ZSCAN25: variants seen among roughly 807,000 people sequenced by gnomAD.
The protein encoded by ZSCAN25 is zinc finger and SCAN domain-containing protein 25.
In ZSCAN25, 27 loss-of-function variants were observed where a neutral mutation model predicts 38.7. The ratio of observed to expected loss-of-function variants is 0.70; its 90% CI spans 0.51 to 0.96. ZSCAN25 has a LOEUF of 0.96. ZSCAN25 is among the 40% of genes least tolerant of loss of function. The pLI is 0.00. For synonymous variants in ZSCAN25, 273 were observed against 277.7 expected, an observed-to-expected ratio of 0.98 and a Z score of 0.17; for missense variants, 637 against 705.9, an observed-to-expected ratio of 0.90 and a Z score of 1.11.
In ZSCAN25 at chr7:99,632,301, T is replaced by G; in HGVS notation, c.*2281T>G. On this transcript the variant is annotated 3_prime_UTR_variant, in exon 8 of 8. Coordinates refer to ENST00000394152, the MANE Select transcript of ZSCAN25 (RefSeq NM_145115.3). Reference sequence around the variant, plus strand: ...GTTAAGAAATATTTTGTTTTCTGTATTTTTCTATTCTTTAGAAATTTTTTT... The same window carrying G: ...GTTAAGAAATATTTTGTTTTCTGTAGTTTTCTATTCTTTAGAAATTTTTTT... 1 of 961,228 alleles carries G rather than the reference T, an allele frequency of 1.0e-6. No individual in the cohort carries two copies. Among genetic ancestry groups the G allele is most frequent in the Non-Finnish European group, 1.2e-6 (1 of 807,998 alleles). 59.5% of individuals were successfully genotyped at this position (961,228 alleles called of 1,614,324 possible).
the ZSCAN25 span, chr7:99,652,626 C>G: frequency 1.5e-5 from 24 of 1,614,062 alleles, no homozygotes; most frequent in Non-Finnish European, 1.9e-5. Flanking sequence ...GGAATCACCA[C>G]CATTGACCCT....
the ZSCAN25 span, chr7:99,710,889 A>C: frequency 1.9e-5 from 31 of 1,613,652 alleles, no homozygotes; most frequent in African/African-American, 1.9e-4. Flanking sequence ...CAGATCAGAC[A>C]GAGCTGAAAG....
chr7:99,635,959 A>G (rs551835122), downstream of ZSCAN25, among the ~76,000 whole-genome samples: 108 of 147,992 alleles, frequency 7.3e-4, no homozygotes, highest in African/African-American at 2.5e-3. Context: ...AGGCAGGAGA[A>G]TGGCGTGAAC....
chr7:99,686,759 C>T, the ZSCAN25 span, among the ~76,000 whole-genome samples: 3 of 151,816 alleles, frequency 2.0e-5, no homozygotes, highest in Admixed American at 6.6e-5. Flanking sequence ...CACCCCCCCC[C>T]CAGTAGGGGC....
At chr7:99,717,336 C>T in the ZSCAN25 span, 1 of 1,611,566 alleles carries the variant, frequency 6.2e-7, no homozygotes, top group Non-Finnish European at 8.5e-7. Context: ...ATGACTTTGC[C>T]TGGCATGGAA....
the ZSCAN25 span, chr7:99,676,531 T>C: frequency 2.9e-6 from 4 of 1,367,028 alleles, no homozygotes; most frequent in Admixed American, 3.8e-5. Context: ...CATTTCCTTA[T>C]GTCTGTTTAG....
the ZSCAN25 span, chr7:99,676,276 C>T: frequency 1.9e-6 from 3 of 1,606,792 alleles, no homozygotes; most frequent in Non-Finnish European, 2.6e-6. Context: ...TGGTGAGTTA[C>T]TCAGGAACTG....
At chr7:99,636,397 A>T (rs941718973), downstream of ZSCAN25, among the ~76,000 whole-genome samples, 1 of 152,228 alleles carries the variant, frequency 6.6e-6, no homozygotes, top group South Asian at 2.1e-4. Flanking sequence ...AACCTTTTGC[A>T]TCTGCTTTAA....
the ZSCAN25 span, among the ~76,000 whole-genome samples, chr7:99,733,191 A>C: frequency 6.6e-6 from 1 of 152,192 alleles, no homozygotes; most frequent in African/African-American, 2.4e-5. Context: ...TGTCACAGCC[A>C]TGGAAAATCA....
chr7:99,689,020 A>G, the ZSCAN25 span, among the ~76,000 whole-genome samples: 10 of 151,798 alleles, frequency 6.6e-5, no homozygotes, highest in Admixed American at 1.3e-4. Context: ...TCAAAGCAGT[A>G]TGTAGAGGGA....
At chr7:99,711,781 A>C in the ZSCAN25 span, among the ~76,000 whole-genome samples, 1 of 151,212 alleles carries the variant, frequency 6.6e-6, no homozygotes, top group Non-Finnish European at 1.5e-5. Context: ...AAACAAAACA[A>C]AACAACAACA....
the ZSCAN25 span, chr7:99,679,778 C>T: frequency 6.3e-7 from 1 of 1,576,004 alleles, no homozygotes; most frequent in Non-Finnish European, 8.7e-7. Context: ...GCCCGATTAG[C>T]ACCCCAAGTC....
the ZSCAN25 span, among the ~76,000 whole-genome samples, chr7:99,661,083 T>C: frequency 6.6e-6 from 1 of 152,220 alleles, no homozygotes; most frequent in Non-Finnish European, 1.5e-5. Flanking sequence ...TTTGAGAGAA[T>C]TCCAATATAG....
chr7:99,656,579 G>A, the ZSCAN25 span, among the ~76,000 whole-genome samples: 4 of 152,154 alleles, frequency 2.6e-5, no homozygotes, highest in Non-Finnish European at 5.9e-5. Flanking sequence ...TTGGTATCAG[G>A]ATGATGCTGG....
At chr7:99,702,470 T>C in the ZSCAN25 span, among the ~76,000 whole-genome samples, 1 of 152,170 alleles carries the variant, frequency 6.6e-6, no homozygotes, top group Non-Finnish European at 1.5e-5. Flanking sequence ...CTTCTGCATA[T>C]TGATATCCAG....
At chr7:99,684,171 T>G in the ZSCAN25 span, among the ~76,000 whole-genome samples, 5 of 88,312 alleles carry the variant, frequency 5.7e-5, no homozygotes, top group African/African-American at 1.4e-4. Context: ...AAGGCATAAT[T>G]TTTTTTTTTT....
the ZSCAN25 span, among the ~76,000 whole-genome samples, chr7:99,688,348 C>CA: frequency 1.3e-4 from 19 of 151,690 alleles, no homozygotes. Flanking sequence ...AAATGGACAA[C>CA]AAAAAAAGGC....
At chr7:99,672,141 T>G in the ZSCAN25 span, among the ~76,000 whole-genome samples, 1 of 152,074 alleles carries the variant, frequency 6.6e-6, no homozygotes, top group South Asian at 2.1e-4. Context: ...AACCTCCGCC[T>G]CCCAGGTTCA....
downstream of ZSCAN25, among the ~76,000 whole-genome samples, chr7:99,637,269 G>A (rs1808319442): frequency 6.6e-6 from 1 of 152,078 alleles, no homozygotes; most frequent in African/African-American, 2.4e-5. Context: ...CTGGTCTTAG[G>A]CGTTTGTAAC....
Sources: allele counts gnomAD v4.1 joint callset (sites outside exome capture counted in the v4.1 genomes callset), GRCh38; gene constraint gnomAD v4.1.1; transcripts MANE v1.5; gene names NCBI Gene and HGNC (gene_info 2026-07-23, HGNC 2026-07-21).